CSMD1: variants seen among roughly 807,000 people sequenced by gnomAD.
CSMD1 encodes CUB and Sushi multiple domains 1.
A neutral mutation model predicts 417.5 loss-of-function variants in CSMD1; 213 were observed. The ratio of observed to expected loss-of-function variants is 0.51; its 90% CI spans 0.46 to 0.57. CSMD1 has a LOEUF of 0.57. Ranked by LOEUF, CSMD1 falls within the 20% of genes least tolerant of loss-of-function variation. The pLI is 0.00. For synonymous variants in CSMD1, 2,862 were observed against 1,736.8 expected (o/e 1.65, Z -16.11); for missense variants, 6,923 against 4,529.7 (o/e 1.53, Z -15.17).
chr8:3,642,678 A>G (rs1205713471), intron 7 of CSMD1, among the ~76,000 whole-genome samples: 1 of 152,182 alleles, frequency 6.6e-6, no homozygotes, highest in Admixed American at 6.5e-5. Context: ...CTGGGCTTAT[A>G]GGAAAGAGGA....
intron 5 of CSMD1, among the ~76,000 whole-genome samples, chr8:3,919,477 T>C (rs1809076031): frequency 6.6e-6 from 1 of 152,146 alleles, no homozygotes; most frequent in Admixed American, 6.6e-5. Context: ...CTTTCTATTC[T>C]GTATTATTGG....
At chr8:3,748,863 A>C (rs1797181642) in intron 6 of CSMD1, among the ~76,000 whole-genome samples, 1 of 152,230 alleles carries the variant, frequency 6.6e-6, no homozygotes, top group Non-Finnish European at 1.5e-5. Flanking sequence ...GTGTCAACAC[A>C]AGCTTTATCG....
intron 10 of CSMD1, among the ~76,000 whole-genome samples, chr8:3,497,886 C>G (rs1796432781): frequency 6.6e-6 from 1 of 152,136 alleles, no homozygotes; most frequent in Non-Finnish European, 1.5e-5. Flanking sequence ...TCTGCTCTAC[C>G]AGTGAATATT....
chr8:4,288,626 G>C (rs927018938), intron 3 of CSMD1, among the ~76,000 whole-genome samples: 2 of 152,140 alleles, frequency 1.3e-5, no homozygotes, highest in African/African-American at 4.8e-5. Flanking sequence ...CAAGGTGAAG[G>C]ATGTTGCCAC....
intron 3 of CSMD1, among the ~76,000 whole-genome samples, chr8:4,186,319 C>G (rs1450183694): frequency 6.6e-6 from 1 of 152,086 alleles, no homozygotes; most frequent in African/African-American, 2.4e-5. Flanking sequence ...GTCAGCTTTC[C>G]AACTGGGACT....
intron 2 of CSMD1, among the ~76,000 whole-genome samples, chr8:4,563,950 A>C (rs928620872): frequency 6.6e-6 from 1 of 152,196 alleles, no homozygotes; most frequent in Non-Finnish European, 1.5e-5. Flanking sequence ...CCAGCAGAAG[A>C]CTAAATATAT....
intron 29 of CSMD1, among the ~76,000 whole-genome samples, chr8:3,216,667 T>C (rs759647026): frequency 6.6e-6 from 1 of 152,230 alleles, no homozygotes; most frequent in African/African-American, 2.4e-5. Flanking sequence ...GCACATTTTT[T>C]GCTTACAATT....
intron 3 of CSMD1, among the ~76,000 whole-genome samples, chr8:4,234,148 G>T (rs1046635491): frequency 1.3e-5 from 2 of 152,124 alleles, no homozygotes; most frequent in African/African-American, 4.8e-5. Flanking sequence ...TTCTTCATAG[G>T]ACTGAGCACA....
intron 1 of CSMD1, among the ~76,000 whole-genome samples, chr8:4,823,086 G>T (rs1014652634): frequency 6.6e-6 from 1 of 152,060 alleles, no homozygotes. Context: ...TATTTTAAGT[G>T]ATGTCTTGAT....
chr8:3,867,673 G>T (rs772583512), intron 5 of CSMD1, among the ~76,000 whole-genome samples: 10 of 151,996 alleles, frequency 6.6e-5, no homozygotes, highest in Non-Finnish European at 1.3e-4. Flanking sequence ...AATCTTCACA[G>T]AAACCTAGAA....
chr8:3,166,685 C>G (rs530321449), intron 37 of CSMD1, among the ~76,000 whole-genome samples: 2 of 151,924 alleles, frequency 1.3e-5, no homozygotes, highest in Non-Finnish European at 2.9e-5. Flanking sequence ...ATGGGCAAAC[C>G]TATAGAAATA....
chr8:4,299,972 G>C (rs1025369824), intron 3 of CSMD1, among the ~76,000 whole-genome samples: 3 of 152,100 alleles, frequency 2.0e-5, no homozygotes, highest in African/African-American at 4.8e-5. Context: ...GTTGATAATA[G>C]CTATTAGAAT....
intron 5 of CSMD1, among the ~76,000 whole-genome samples, chr8:3,772,013 T>G (rs1465948968): frequency 6.6e-6 from 1 of 151,808 alleles, no homozygotes; most frequent in African/African-American, 2.4e-5. Context: ...CATACCCTCC[T>G]TTGAAATGGA....
At chr8:3,852,015 G>C (rs1363264896) in intron 5 of CSMD1, among the ~76,000 whole-genome samples, 1 of 152,164 alleles carries the variant, frequency 6.6e-6, no homozygotes, top group African/African-American at 2.4e-5. Context: ...AATCACCGGT[G>C]AGGACAAGTT....
intron 6 of CSMD1, among the ~76,000 whole-genome samples, chr8:3,752,204 T>C (rs574670043): frequency 6.6e-6 from 1 of 152,106 alleles, no homozygotes; most frequent in East Asian, 1.9e-4. Flanking sequence ...AAAAGGAGGA[T>C]CGGCCTGGCC....
At chr8:4,145,591 G>A (rs1804062862) in intron 3 of CSMD1, among the ~76,000 whole-genome samples, 1 of 150,906 alleles carries the variant, frequency 6.6e-6, no homozygotes, top group African/African-American at 2.5e-5. Flanking sequence ...GTCTCACCAT[G>A]TTGCATGGGC....
chr8:3,591,673 A>C lies in CSMD1; in HGVS notation c.1098-5413T>G, dbSNP rs1214738455. Among the ~76,000 whole-genome samples the C allele has an allele frequency of 3.9e-5, 6 of 152,276 alleles. No homozygotes were observed. In the East Asian group the frequency reaches 1.2e-3, roughly 29 times the overall value. ...TCTACTGAATCTGCTGATGCAACCAATAGATAGATGAGAGATAGATGATTG... is the reference window on the plus strand; with the variant it reads ...TCTACTGAATCTGCTGATGCAACCACTAGATAGATGAGAGATAGATGATTG... On this transcript the variant is annotated intron_variant, in intron 8 of 69. Coordinates refer to ENST00000635120, the MANE Select transcript of CSMD1 (RefSeq NM_033225.6).
intron 5 of CSMD1, among the ~76,000 whole-genome samples, chr8:3,893,577 C>G (rs1807142952): frequency 6.6e-6 from 1 of 151,918 alleles, no homozygotes; most frequent in South Asian, 2.1e-4. Context: ...TTCCTCTGCA[C>G]CTGTCTAGCT....
chr8:4,001,967 C>G (rs1452792745), intron 4 of CSMD1, among the ~76,000 whole-genome samples: 1 of 151,942 alleles, frequency 6.6e-6, no homozygotes, highest in African/African-American at 2.4e-5. Context: ...ATAGAATATT[C>G]CGGAATGAGT....
Sources: gnomAD v4.1 joint callset for allele counts (sites outside exome capture counted in the v4.1 genomes callset) on GRCh38, gnomAD v4.1.1 for gene constraint, MANE v1.5 for transcripts, NCBI Gene and HGNC (gene_info 2026-07-23, HGNC 2026-07-21) for gene names.